ZSWIM5: variants seen among roughly 807,000 people sequenced by gnomAD.
ZSWIM5 encodes zinc finger SWIM-type containing 5.
Under a neutral mutation model 119.6 loss-of-function variants are expected in ZSWIM5, and 55 were observed. That is an observed-to-expected ratio of 0.46 (90% CI 0.37 to 0.58). ZSWIM5 has a LOEUF of 0.58. ZSWIM5 is among the 20% of genes least tolerant of loss of function. ZSWIM5 has a pLI of 0.00. For missense variants in ZSWIM5, 1,193 were observed against 1,512.8 expected, an observed-to-expected ratio of 0.79 and a Z score of 3.51; for synonymous variants, 537 against 606.9, an observed-to-expected ratio of 0.88 and a Z score of 1.69.
intron 1 of ZSWIM5, among the ~76,000 whole-genome samples, chr1:45,100,586 T>C (rs539353500): frequency 6.6e-6 from 1 of 152,244 alleles, no homozygotes; most frequent in Non-Finnish European, 1.5e-5. Context: ...GAGCCTGCAT[T>C]GCCAAGACAA....
intron 4 of ZSWIM5, among the ~76,000 whole-genome samples, chr1:45,055,565 C>G (rs1208339949): frequency 6.6e-6 from 1 of 152,186 alleles, no homozygotes; most frequent in Non-Finnish European, 1.5e-5. Context: ...TGATGGGCAG[C>G]TGGACACAGC....
intron 2 of ZSWIM5, among the ~76,000 whole-genome samples, chr1:45,061,213 T>A (rs2149000885): frequency 6.6e-6 from 1 of 152,348 alleles, no homozygotes; most frequent in Middle Eastern, 3.4e-3. Flanking sequence ...GTGCTGATAA[T>A]GTGACAAGCA....
At chr1:45,046,974 A>G (rs1426874462) in intron 5 of ZSWIM5, among the ~76,000 whole-genome samples, 1 of 148,334 alleles carries the variant, frequency 6.7e-6, no homozygotes, top group African/African-American at 2.5e-5. Flanking sequence ...TGGTGAGCCA[A>G]GACCACACCA....
At chr1:45,175,557 C>A (rs1645975026) in intron 1 of ZSWIM5, among the ~76,000 whole-genome samples, 3 of 152,080 alleles carry the variant, frequency 2.0e-5, no homozygotes, top group African/African-American at 2.4e-5. Context: ...CCAAGCGATC[C>A]TCCCACCTCA....
At chr1:45,160,444 C>T (rs1055718709) in intron 1 of ZSWIM5, among the ~76,000 whole-genome samples, 1 of 152,128 alleles carries the variant, frequency 6.6e-6, no homozygotes, top group Non-Finnish European at 1.5e-5. Context: ...CTCATGTACT[C>T]CTCCCAGCCT....
At position 45,146,431 on chromosome 1, in the gene ZSWIM5, C is replaced by CTTTT. The variant is rs35073818; in HGVS notation, c.596-58198_596-58195dup. Among the ~76,000 whole-genome samples, 17 of 45,902 alleles carry CTTTT rather than the reference C, an allele frequency of 3.7e-4. 3 individuals carry two copies. Among genetic ancestry groups the CTTTT allele is most frequent in the African/African-American group, 5.4e-4 (5 of 9,282 alleles). The allele number at this position is 45,902 out of a possible 152,430, so 30.1% of individuals were successfully genotyped here. ...TAAAATACAAGTATCTGTTTCTAGA[C>CTTTT]TTTTTTTTTTTTTTTTTTTTTTTTT... On this transcript the variant is annotated intron_variant, in intron 1 of 13. Transcript: ENST00000359600.
At chr1:45,092,948 C>G (rs1351005381) in intron 1 of ZSWIM5, among the ~76,000 whole-genome samples, 1 of 152,190 alleles carries the variant, frequency 6.6e-6, no homozygotes, top group African/African-American at 2.4e-5. Flanking sequence ...TCCTATCTAT[C>G]TATCTATCTA....
At chr1:45,144,183 T>C (rs1645747147) in intron 1 of ZSWIM5, among the ~76,000 whole-genome samples, 1 of 152,054 alleles carries the variant, frequency 6.6e-6, no homozygotes, top group African/African-American at 2.4e-5. Flanking sequence ...AGAGCTAAAA[T>C]AATTCTGAAA....
intron 2 of ZSWIM5, among the ~76,000 whole-genome samples, chr1:45,084,708 A>G (rs1342864564): frequency 6.6e-6 from 1 of 152,222 alleles, no homozygotes; most frequent in Non-Finnish European, 1.5e-5. Context: ...AATCTCCAAA[A>G]TAATCCCCTT....
intron 1 of ZSWIM5, among the ~76,000 whole-genome samples, chr1:45,155,053 C>T (rs1645819068): frequency 6.6e-6 from 1 of 152,014 alleles, no homozygotes; most frequent in Non-Finnish European, 1.5e-5. Context: ...CTTAATTAAA[C>T]TAAAGAGCTT....
chr1:45,171,914 TA>T (rs1298840121), intron 1 of ZSWIM5, among the ~76,000 whole-genome samples: 2 of 152,088 alleles, frequency 1.3e-5, no homozygotes, highest in Admixed American at 1.3e-4. Context: ...TTCTATAACA[TA>T]AAAAGTGTAA....
intron 1 of ZSWIM5, among the ~76,000 whole-genome samples, chr1:45,170,790 CTGCCAGGCTAG>C (rs1051813558): frequency 6.0e-4 from 89 of 148,650 alleles, no homozygotes; most frequent in African/African-American, 2.2e-3. Context: ...GTTGCCCAGG[CTGCCAGGCTAG>C]TCTCAAACTC....
intron 1 of ZSWIM5, among the ~76,000 whole-genome samples, chr1:45,112,361 G>A (rs1338763100): frequency 6.6e-6 from 1 of 152,108 alleles, no homozygotes; most frequent in Non-Finnish European, 1.5e-5. Context: ...TAACTTGTCT[G>A]TACCTGAAGT....
chr1:45,154,025 G>A (rs963856493), intron 1 of ZSWIM5, among the ~76,000 whole-genome samples: 2 of 152,012 alleles, frequency 1.3e-5, no homozygotes, highest in Admixed American at 6.6e-5. Flanking sequence ...AAAATACTTA[G>A]GAATATACCT....
chr1:45,037,770 A>G (rs950672484), intron 8 of ZSWIM5, among the ~76,000 whole-genome samples: 3 of 152,240 alleles, frequency 2.0e-5, no homozygotes, highest in African/African-American at 4.8e-5. Flanking sequence ...GAATCCCTAC[A>G]GTTAAACTCT....
chr1:45,044,546 A>C (rs1645036270), intron 5 of ZSWIM5, among the ~76,000 whole-genome samples: 1 of 146,624 alleles, frequency 6.8e-6, no homozygotes, highest in African/African-American at 2.5e-5. Context: ...ACATGGTGAA[A>C]CTCCGTCTCT....
At chr1:45,089,614 T>C (rs1276660451) in intron 1 of ZSWIM5, among the ~76,000 whole-genome samples, 3 of 152,188 alleles carry the variant, frequency 2.0e-5, no homozygotes, top group Non-Finnish European at 4.4e-5. Context: ...CTGACTTCAA[T>C]GTTAATTTTC....
intron 1 of ZSWIM5, among the ~76,000 whole-genome samples, chr1:45,100,462 C>T (rs961134378): frequency 1.3e-4 from 20 of 152,172 alleles, no homozygotes; most frequent in East Asian, 3.9e-4. Context: ...ATCATGAAAA[C>T]GGCCATACTG....
At position 45,072,050 on chromosome 1, in the gene ZSWIM5, C is replaced by G. The variant is rs188691881; in HGVS notation, c.953-11803G>C. Among the ~76,000 whole-genome samples the G allele has an allele frequency of 6.6e-6, 1 of 152,278 alleles. No homozygotes were observed. Among genetic ancestry groups the G allele is most frequent in the Non-Finnish European group, 1.5e-5 (1 of 68,000 alleles). ...AATTTACTTTGCCACCAACAGTGTA[C>G]GAGGGTTCCCTTTTCTCCACATCCT... On this transcript the variant is annotated intron_variant, in intron 2 of 13. Coordinates refer to ENST00000359600, the MANE Select transcript of ZSWIM5 (RefSeq NM_020883.2). The surrounding 1 kb of genome is among the most constrained non-coding windows in gnomAD (Gnocchi z 4.1).
Sources: gnomAD v4.1 joint callset for allele counts (sites outside exome capture counted in the v4.1 genomes callset) on GRCh38, gnomAD v4.1.1 for gene constraint, Gnocchi (gnomAD v3.1) non-coding constraint, MANE v1.5 for transcripts, NCBI Gene and HGNC (gene_info 2026-07-23, HGNC 2026-07-21) for gene names.